Variants in GSN observed in about 807,000 individuals in gnomAD.
GSN encodes actin-depolymerizing factor.
GSN carries 56 observed loss-of-function variants against 85.7 expected under a neutral mutation model. The ratio of observed to expected loss-of-function variants is 0.65; its 90% CI spans 0.53 to 0.82. GSN has a LOEUF of 0.82. GSN is among the 40% of genes least tolerant of loss of function. GSN has a pLI of 0.00. For missense variants in GSN, 857 were observed against 979.8 expected, an observed-to-expected ratio of 0.87 and a Z score of 1.67; for synonymous variants, 373 against 399.1, an observed-to-expected ratio of 0.93 and a Z score of 0.78.
chr9:121,212,108 G>A (rs558896628), intron 4 of GSN, among the ~76,000 whole-genome samples: 2 of 152,248 alleles, frequency 1.3e-5, no homozygotes, highest in East Asian at 1.9e-4. Flanking sequence ...TATATGGGCC[G>A]ATGGGGAAGA....
chr9:121,269,430 G>A (rs1310888519), intron 1 of GSN, among the ~76,000 whole-genome samples: 1 of 152,186 alleles, frequency 6.6e-6, no homozygotes, highest in Non-Finnish European at 1.5e-5. Flanking sequence ...CCGGTCTGCC[G>A]TTTGCGGACT....
chr9:121,305,903 T>C (rs2060364155), intron 4 of GSN, among the ~76,000 whole-genome samples: 1 of 152,226 alleles, frequency 6.6e-6, no homozygotes, highest in Admixed American at 6.5e-5. Flanking sequence ...ATGCAAGACT[T>C]GTTCCTGTGA....
rs1045332539 is a variant in GSN, at chr9:121,329,348, C to T, written c.1965+33C>T. The stretch of plus-strand genomic sequence containing the variant: ...AAGGACAGGTGAAGGCTCTCTGTGC[C>T]AGAGGGAGTGGGAGAAACTAGACTT... On this transcript the variant is annotated intron_variant, in intron 16 of 17. Coordinates refer to ENST00000432226, the MANE Select transcript of GSN (RefSeq NM_198252.3). The surrounding 1 kb of genome is among the most constrained non-coding windows in gnomAD (Gnocchi z 4.6). 2.4e-6 allele frequency: 3 copies of T among 1,257,448 alleles called. No homozygotes were observed. The highest frequency in any genetic ancestry group is 3.5e-6 in the Non-Finnish European group (3 of 854,360). 77.9% of individuals were successfully genotyped at this position (1,257,448 alleles called of 1,614,324 possible). A position where few individuals can be genotyped will look rare whatever the true frequency, so the allele number is the denominator to read the frequency against.
intron 12 of GSN, among the ~76,000 whole-genome samples, chr9:121,325,943 G>A (rs2063107530): frequency 6.6e-6 from 1 of 151,990 alleles, no homozygotes; most frequent in Non-Finnish European, 1.5e-5. Flanking sequence ...TGACGTACAT[G>A]TGAGGTTTTC....
intron 2 of GSN, among the ~76,000 whole-genome samples, chr9:121,297,288 G>C (rs763111440): frequency 6.6e-6 from 1 of 152,028 alleles, no homozygotes; most frequent in African/African-American, 2.4e-5. Context: ...GTATATTAAG[G>C]TATAATTTAC....
At chr9:121,307,574 T>C (rs1365706469) in intron 4 of GSN, among the ~76,000 whole-genome samples, 1 of 152,206 alleles carries the variant, frequency 6.6e-6, no homozygotes. Context: ...GACACAATGC[T>C]TAATCTCTTT....
intron 5 of GSN, among the ~76,000 whole-genome samples, chr9:121,241,177 A>G (rs78041000): frequency 6.6e-6 from 1 of 152,352 alleles, no homozygotes; most frequent in East Asian, 1.9e-4. Context: ...ACTCGGAAAG[A>G]AGTGCAAAGG....
intron 4 of GSN, among the ~76,000 whole-genome samples, chr9:121,303,712 C>T (rs2060133860): frequency 6.6e-6 from 1 of 152,178 alleles, no homozygotes; most frequent in African/African-American, 2.4e-5. Context: ...GTTGTACCTG[C>T]CCTACAGGGC....
intron 4 of GSN, among the ~76,000 whole-genome samples, chr9:121,229,220 T>G (rs1048464533): frequency 4.6e-5 from 7 of 152,032 alleles, no homozygotes; most frequent in African/African-American, 1.5e-4. Context: ...AATTAAAAAT[T>G]TTATTATTAT....
intron 4 of GSN, among the ~76,000 whole-genome samples, chr9:121,307,058 G>A (rs376112649): frequency 7.9e-5 from 12 of 152,260 alleles, no homozygotes; most frequent in Middle Eastern, 3.4e-3. Flanking sequence ...GCGGGTGCCC[G>A]TAATCTCAGC....
chr9:121,323,333 A>G (rs905447594), intron 11 of GSN, among the ~76,000 whole-genome samples: 3 of 145,690 alleles, frequency 2.1e-5, no homozygotes, highest in Non-Finnish European at 4.5e-5. Flanking sequence ...TTACTAATCT[A>G]TAGGCTTTAC....
intron 5 of GSN, 184 bp from the exon 6 acceptor site, chr9:121,312,155 G>C (rs1242875429): frequency 6.3e-6 from 4 of 630,750 alleles, no homozygotes; most frequent in African/African-American, 1.8e-5. Flanking sequence ...CCCATCTCCT[G>C]GTGTGTGCAG....
At chr9:121,294,665 C>G (rs1053663576) in intron 2 of GSN, among the ~76,000 whole-genome samples, 2 of 152,198 alleles carry the variant, frequency 1.3e-5, no homozygotes, top group Non-Finnish European at 2.9e-5. Context: ...TGGACTTGGC[C>G]AAAGCAGAAG....
At chr9:121,213,392 C>G (rs569390028) in intron 4 of GSN, among the ~76,000 whole-genome samples, 1 of 152,224 alleles carries the variant, frequency 6.6e-6, no homozygotes, top group Non-Finnish European at 1.5e-5. Context: ...CGTGCTCCAC[C>G]AGAGGGCGCA....
chr9:121,270,710 G>T (rs144500184), intron 1 of GSN, among the ~76,000 whole-genome samples: 1 of 152,284 alleles, frequency 6.6e-6, no homozygotes, highest in East Asian at 1.9e-4. Context: ...TGCCAAACAC[G>T]TTGATTGGAT....
chr9:121,248,425 C>G (rs1021147259), intron 6 of GSN: 1 of 152,378 alleles, frequency 6.6e-6, no homozygotes, highest in African/African-American at 2.4e-5. Flanking sequence ...CCTTCACTTC[C>G]CTTCTCTTGC....
intron 2 of GSN, among the ~76,000 whole-genome samples, chr9:121,296,956 C>CA (rs2059280090): frequency 6.6e-6 from 1 of 152,232 alleles, no homozygotes; most frequent in Non-Finnish European, 1.5e-5. Context: ...GGTTGATGGC[C>CA]AGTGGCCTCT....
Position 121,332,696 on chromosome 9 carries a change from A to ATG in GSN, c.*94_*95dup. ...TTAGAGCGAGCAGAGCAGCTCTGCT[A>ATG]TGAGTGTGTGTGTGTGTGTGTGTTG... On this transcript the variant is annotated 3_prime_UTR_variant, in exon 18 of 18. Transcript: ENST00000432226. The surrounding 1 kb of genome is among the most constrained non-coding windows in gnomAD (Gnocchi z 4.8). The ATG allele has an allele frequency of 1.2e-6, 1 of 869,166 alleles. No homozygotes were observed. Among genetic ancestry groups the ATG allele is most frequent in the Non-Finnish European group, 1.8e-6 (1 of 543,690 alleles). The allele number at this position is 869,166 out of a possible 1,614,324, so 53.8% of individuals were successfully genotyped here.
chr9:121,306,095 A>G (rs1390907896), intron 4 of GSN, among the ~76,000 whole-genome samples: 2 of 151,694 alleles, frequency 1.3e-5, no homozygotes, highest in East Asian at 3.9e-4. Flanking sequence ...TCCTCCTCCC[A>G]CTCCGCAGAC....
Sources: gnomAD v4.1 joint callset for allele counts (sites outside exome capture counted in the v4.1 genomes callset) on GRCh38, gnomAD v4.1.1 for gene constraint, Gnocchi (gnomAD v3.1) non-coding constraint, MANE v1.5 for transcripts, NCBI Gene and HGNC (gene_info 2026-07-23, HGNC 2026-07-21) for gene names.